CNTNAP5: variants seen among roughly 807,000 people sequenced by gnomAD.
The protein encoded by CNTNAP5 is contactin-associated protein-like 5.
A neutral mutation model predicts 150.2 loss-of-function variants in CNTNAP5; 72 were observed. The ratio of observed to expected loss-of-function variants is 0.48; its 90% CI spans 0.40 to 0.58. The LOEUF is 0.58. Among genes scored for constraint, CNTNAP5 ranks in the 20% least tolerant of loss-of-function variants. CNTNAP5 has a pLI of 0.00. For missense variants in CNTNAP5, 1,636 were observed against 1,626.2 expected (o/e 1.01, Z -0.10); for synonymous variants, 672 against 619.8 (o/e 1.08, Z -1.25).
At chr2:124,649,961 T>C (rs1678285238) in intron 13 of CNTNAP5, among the ~76,000 whole-genome samples, 1 of 152,138 alleles carries the variant, frequency 6.6e-6, no homozygotes, top group Non-Finnish European at 1.5e-5. Flanking sequence ...AATAGAATAA[T>C]TGTCATAATT....
chr2:124,660,785 G>T lies in CNTNAP5; in HGVS notation c.2077+12827G>T, dbSNP rs575319719. ...GGAATAGTAAAAATACAAGACAAAA[G>T]ATACAAAAATGAGCTGGGCACTGTG... On this transcript the variant is annotated intron_variant, in intron 13 of 23. Transcript: ENST00000682447. Among the ~76,000 whole-genome samples, 4 of 151,478 alleles carry T rather than the reference G, an allele frequency of 2.6e-5. No individual in the cohort carries two copies. In the South Asian group the frequency reaches 8.4e-4, roughly 32 times the overall value.
intron 3 of CNTNAP5, among the ~76,000 whole-genome samples, chr2:124,278,434 T>C (rs1687938924): frequency 2.6e-5 from 4 of 152,172 alleles, no homozygotes; most frequent in African/African-American, 7.2e-5. Context: ...CAGCTTTATA[T>C]GGAAATGACC....
intron 3 of CNTNAP5, among the ~76,000 whole-genome samples, chr2:124,374,723 A>G (rs1199566651): frequency 6.6e-6 from 1 of 152,084 alleles, no homozygotes; most frequent in East Asian, 1.9e-4. Flanking sequence ...CTAGTGGCAA[A>G]ATCTTGGTTT....
intron 13 of CNTNAP5, among the ~76,000 whole-genome samples, chr2:124,737,122 C>T (rs1680399742): frequency 6.6e-6 from 1 of 151,926 alleles, no homozygotes; most frequent in South Asian, 2.1e-4. Flanking sequence ...GAAACCCTAT[C>T]TCTTCTAAAA....
chr2:124,605,200 G>T (rs1427266128), intron 11 of CNTNAP5, among the ~76,000 whole-genome samples: 2 of 152,206 alleles, frequency 1.3e-5, no homozygotes, highest in East Asian at 3.9e-4. Flanking sequence ...GCAGATGCAT[G>T]AACTGCCCAG....
intron 5 of CNTNAP5, among the ~76,000 whole-genome samples, chr2:124,440,956 C>T (rs190058364): frequency 9.3e-4 from 141 of 152,062 alleles, no homozygotes; most frequent in African/African-American, 3.1e-3. Flanking sequence ...TTGATAATTT[C>T]GTGAGAATTA....
chr2:124,286,967 C>A (rs1309265854), intron 3 of CNTNAP5, among the ~76,000 whole-genome samples: 1 of 152,092 alleles, frequency 6.6e-6, no homozygotes, highest in Non-Finnish European at 1.5e-5. Flanking sequence ...TTTTCTGTGC[C>A]CTGAACCCAA....
At chr2:124,704,343 C>CT (rs963804676) in intron 13 of CNTNAP5, among the ~76,000 whole-genome samples, 3 of 152,000 alleles carry the variant, frequency 2.0e-5, no homozygotes, top group South Asian at 2.1e-4. Flanking sequence ...GTGAAGTGTT[C>CT]TTTTTTTTCT....
chr2:124,679,748 A>G (rs964257536), intron 13 of CNTNAP5, among the ~76,000 whole-genome samples: 3 of 151,576 alleles, frequency 2.0e-5, no homozygotes, highest in Non-Finnish European at 4.4e-5. Context: ...TAATTTTTGT[A>G]GAAACAGGGT....
Position 124,609,906 on chromosome 2 carries a change from A to T in CNTNAP5, c.1862A>T (p.Tyr621Phe). Residue 621 changes from tyrosine to phenylalanine, a missense_variant, in exon 12 of 24, where the codon TAC becomes TTC. Physicochemically the swap from Tyr to Phe is conservative, Grantham distance 22. Coordinates refer to ENST00000682447, the MANE Select transcript of CNTNAP5 (RefSeq NM_001367498.1). ...GGCCCACTGGGACCTCTCCAGGTGT[A>T]CTGCAATATCACTGGTAAGGGTGCA... ...GSGPLGPLQVYCNITEDKIWT... is the reference protein window; with the variant it reads ...GSGPLGPLQVFCNITEDKIWT... 6.2e-7 allele frequency: 1 copy of T among 1,613,760 alleles called. No homozygotes were observed. Among genetic ancestry groups the T allele is most frequent in the Non-Finnish European group, 8.5e-7 (1 of 1,179,746 alleles).
chr2:124,193,479 T>C (rs1250358641), intron 1 of CNTNAP5, among the ~76,000 whole-genome samples: 1 of 152,172 alleles, frequency 6.6e-6, no homozygotes, highest in East Asian at 1.9e-4. Flanking sequence ...GCTCAATAGA[T>C]GTCTGTTAAA....
chr2:124,266,740 G>A (rs1254941797), intron 3 of CNTNAP5, among the ~76,000 whole-genome samples: 1 of 152,082 alleles, frequency 6.6e-6, no homozygotes, highest in Admixed American at 6.6e-5. Flanking sequence ...GCATATTAAT[G>A]CTCTGGTCTT....
intron 13 of CNTNAP5, among the ~76,000 whole-genome samples, chr2:124,699,589 C>A (rs1679476454): frequency 6.6e-6 from 1 of 152,144 alleles, no homozygotes; most frequent in African/African-American, 2.4e-5. Context: ...ACCCACCAAC[C>A]TCTCCCTTGG....
At chr2:124,612,358 T>A (rs1677404351) in intron 12 of CNTNAP5, among the ~76,000 whole-genome samples, 1 of 152,146 alleles carries the variant, frequency 6.6e-6, no homozygotes, top group Non-Finnish European at 1.5e-5. Flanking sequence ...AATTTTAATG[T>A]GTTGTGTAGA....
intron 20 of CNTNAP5, among the ~76,000 whole-genome samples, chr2:124,866,129 G>C (rs1175814847): frequency 1.3e-5 from 2 of 151,804 alleles, no homozygotes; most frequent in Non-Finnish European, 2.9e-5. Context: ...CAGGTGTGGT[G>C]GCACGCACCT....
intron 21 of CNTNAP5, 144 bp downstream of exon 21, chr2:124,869,906 GA>G (rs1677710251): frequency 4.2e-6 from 2 of 472,914 alleles, no homozygotes; most frequent in Admixed American, 3.6e-5. Flanking sequence ...TTCTTATTCA[GA>G]AAATGCCAAG....
At chr2:124,588,990 C>T (rs1696617398) in intron 11 of CNTNAP5, among the ~76,000 whole-genome samples, 1 of 152,144 alleles carries the variant, frequency 6.6e-6, no homozygotes, top group Non-Finnish European at 1.5e-5. Flanking sequence ...ACCTGACCTA[C>T]AACATAACAT....
chr2:124,178,756 A>T (rs2104676232), intron 1 of CNTNAP5, among the ~76,000 whole-genome samples: 1 of 152,136 alleles, frequency 6.6e-6, no homozygotes, highest in African/African-American at 2.4e-5. Context: ...AGAACTTCTA[A>T]GTTCACCTTT....
chr2:124,296,651 C>T (rs764824586), intron 3 of CNTNAP5, among the ~76,000 whole-genome samples: 7 of 152,088 alleles, frequency 4.6e-5, no homozygotes, highest in African/African-American at 7.2e-5. Flanking sequence ...TCCAAGACCA[C>T]GTGTGTGGTA....
Sources: gnomAD v4.1 joint callset for allele counts (sites outside exome capture counted in the v4.1 genomes callset) on GRCh38, gnomAD v4.1.1 for gene constraint, MANE v1.5 for transcripts, NCBI Gene and HGNC (gene_info 2026-07-23, HGNC 2026-07-21) for gene names.